CA10: variants seen among roughly 807,000 people sequenced by gnomAD.
The protein encoded by CA10 is carbonic anhydrase 10 (inactive).
A neutral mutation model predicts 44.2 loss-of-function variants in CA10; 14 were observed. That is an observed-to-expected ratio of 0.32 (90% CI 0.21 to 0.50). The LOEUF (loss-of-function observed/expected upper bound fraction) is 0.50. Among genes scored for constraint, CA10 ranks in the 20% least tolerant of loss-of-function variants. The probability of loss-of-function intolerance (pLI) is 0.99; values close to 1 mark genes in which losing one functional copy is unlikely to be tolerated. For missense variants in CA10, 350 were observed against 409.7 expected (o/e 0.85, Z 1.26); for synonymous variants, 159 against 141.6 (o/e 1.12, Z -0.87).
At chr17:51,667,262 C>G (rs745634735) in intron 4 of CA10, among the ~76,000 whole-genome samples, 55 of 152,252 alleles carry the variant, frequency 3.6e-4, no homozygotes, top group Non-Finnish European at 6.2e-4. Context: ...CAGCTCTCCC[C>G]CTGCTCCCCA....
At position 51,822,887 on chromosome 17, in the gene CA10, T is replaced by G. The variant is rs554095709; in HGVS notation, c.280-75069A>C. Among the ~76,000 whole-genome samples, 16 of 152,120 alleles carry G rather than the reference T, an allele frequency of 1.1e-4. No individual in the cohort carries two copies. In the South Asian group the frequency reaches 3.3e-3, roughly 32 times the overall value. ...AAAGGTCATGATTCATTTGTGAAAT[T>G]TTTGGTGCTTCTAGATGGAATGACA... On this transcript the variant is annotated intron_variant, in intron 3 of 8. Coordinates refer to ENST00000451037, the MANE Select transcript of CA10 (RefSeq NM_020178.5).
chr17:52,013,656 G>C (rs1985879340), intron 2 of CA10, among the ~76,000 whole-genome samples: 1 of 151,960 alleles, frequency 6.6e-6, no homozygotes, highest in South Asian at 2.1e-4. Flanking sequence ...TGGCTTGTTA[G>C]TCTTCCCTTA....
chr17:51,708,814 A>T (rs1915840874), intron 4 of CA10, among the ~76,000 whole-genome samples: 1 of 152,204 alleles, frequency 6.6e-6, no homozygotes, highest in South Asian at 2.1e-4. Context: ...CTGCCCTTGA[A>T]CGGCAGACTC....
intron 3 of CA10, among the ~76,000 whole-genome samples, chr17:51,838,693 C>A (rs1436832598): frequency 6.6e-6 from 1 of 152,214 alleles, no homozygotes; most frequent in Non-Finnish European, 1.5e-5. Context: ...AGCCCTTCCC[C>A]TTTACATAGC....
intron 5 of CA10, among the ~76,000 whole-genome samples, chr17:51,650,576 C>T (rs1171629899): frequency 6.6e-6 from 1 of 152,240 alleles, no homozygotes; most frequent in South Asian, 2.1e-4. Flanking sequence ...GAAAAAGTCC[C>T]AAATTGAATA....
chr17:51,961,255 A>G (rs1239464587), intron 2 of CA10, among the ~76,000 whole-genome samples: 1 of 151,982 alleles, frequency 6.6e-6, no homozygotes, highest in African/African-American at 2.4e-5. Context: ...ACTGACTGAT[A>G]CACCTCATAT....
intron 2 of CA10, among the ~76,000 whole-genome samples, chr17:51,938,829 A>G (rs1261998782): frequency 6.6e-6 from 1 of 152,066 alleles, no homozygotes; most frequent in Non-Finnish European, 1.5e-5. Context: ...CCTCATTATT[A>G]TTATTTTACA....
intron 3 of CA10, among the ~76,000 whole-genome samples, chr17:51,752,996 T>C (rs915388002): frequency 6.6e-6 from 1 of 152,076 alleles, no homozygotes; most frequent in African/African-American, 2.4e-5. Context: ...TCTTCTCCAG[T>C]CTCTATTTGC....
chr17:51,752,140 C>A (rs1453872134), intron 3 of CA10, among the ~76,000 whole-genome samples: 1 of 151,770 alleles, frequency 6.6e-6, no homozygotes, highest in Non-Finnish European at 1.5e-5. Context: ...TTGTATTAAT[C>A]AAAAAAAGCT....
intron 4 of CA10, among the ~76,000 whole-genome samples, chr17:51,654,778 C>A (rs188005843): frequency 1.1e-4 from 17 of 152,062 alleles, no homozygotes; most frequent in East Asian, 7.7e-4. Context: ...GGATGGTCTC[C>A]ATCTCCTGAC....
intron 4 of CA10, among the ~76,000 whole-genome samples, chr17:51,739,458 T>G (rs1341284584): frequency 1.3e-5 from 2 of 152,142 alleles, no homozygotes; most frequent in African/African-American, 4.8e-5. Flanking sequence ...TTTCTTCCGA[T>G]GAAGCATCAG....
chr17:51,767,967 A>G (rs768242685), intron 3 of CA10, among the ~76,000 whole-genome samples: 9 of 152,086 alleles, frequency 5.9e-5, no homozygotes, highest in Non-Finnish European at 1.3e-4. Flanking sequence ...GCGCTGAACT[A>G]AACTACAGAC....
chr17:52,041,469 G>A (rs1252855475), intron 2 of CA10, among the ~76,000 whole-genome samples: 2 of 152,058 alleles, frequency 1.3e-5, no homozygotes, highest in African/African-American at 4.8e-5. Context: ...AATAAAAATT[G>A]TATATATTTA....
intron 3 of CA10, among the ~76,000 whole-genome samples, chr17:51,920,702 G>T (rs1823900921): frequency 6.6e-6 from 1 of 152,176 alleles, no homozygotes; most frequent in African/African-American, 2.4e-5. Context: ...TCTAAACTCA[G>T]CAATGGTGCA....
chr17:51,981,302 T>A (rs2144087653), intron 2 of CA10, among the ~76,000 whole-genome samples: 1 of 152,078 alleles, frequency 6.6e-6, no homozygotes, highest in East Asian at 1.9e-4. Flanking sequence ...GGAAAATAGA[T>A]AAACTGTGAT....
At chr17:51,867,171 A>C (rs1979585563) in intron 3 of CA10, among the ~76,000 whole-genome samples, 1 of 152,226 alleles carries the variant, frequency 6.6e-6, no homozygotes, top group Non-Finnish European at 1.5e-5. Context: ...CTACACATTT[A>C]TAACACTGGG....
At chr17:51,685,027 G>T (rs1005272895) in intron 4 of CA10, among the ~76,000 whole-genome samples, 2 of 152,120 alleles carry the variant, frequency 1.3e-5, no homozygotes, top group African/African-American at 4.8e-5. Context: ...GTGGGTCAAA[G>T]GCAAATTGTA....
chr17:51,974,124 G>C (rs1464836206), intron 2 of CA10, among the ~76,000 whole-genome samples: 1 of 152,058 alleles, frequency 6.6e-6, no homozygotes, highest in Admixed American at 6.6e-5. Context: ...GGTGGCTCAC[G>C]CCTGTAATCC....
At chr17:51,736,058 A>AT in intron 4 of CA10, among the ~76,000 whole-genome samples, 1 of 152,142 alleles carries the variant, frequency 6.6e-6, no homozygotes, top group Non-Finnish European at 1.5e-5. Flanking sequence ...AAATTCTTAA[A>AT]TTTTTTTTGT....
Sources: allele counts gnomAD v4.1 joint callset (sites outside exome capture counted in the v4.1 genomes callset), GRCh38; gene constraint gnomAD v4.1.1; transcripts MANE v1.5; gene names NCBI Gene and HGNC (gene_info 2026-07-23, HGNC 2026-07-21).